Variants in TRPM4 observed in about 807,000 individuals in gnomAD.
TRPM4 encodes the protein transient receptor potential cation channel subfamily M member 4, also known as calcium-activated non-selective cation channel 1.
TRPM4 carries 124 observed loss-of-function variants against 135.6 expected under a neutral mutation model. The ratio of observed to expected loss-of-function variants is 0.91; its 90% CI spans 0.79 to 1.06. The LOEUF (loss-of-function observed/expected upper bound fraction) is 1.06, where lower values mean the gene tolerates loss of function less well. Among genes scored for constraint, TRPM4 ranks in the 50% least tolerant of loss-of-function variants. The pLI is 0.00. For missense variants in TRPM4, 1,658 were observed against 1,671.4 expected, an observed-to-expected ratio of 0.99 and a Z score of 0.14; for synonymous variants, 745 against 705.6, an observed-to-expected ratio of 1.06 and a Z score of -0.88.
At chr19:49,192,510 G>A (rs1257742693) in intron 16 of TRPM4, among the ~76,000 whole-genome samples, 1 of 152,116 alleles carries the variant, frequency 6.6e-6, no homozygotes, top group Non-Finnish European at 1.5e-5. Flanking sequence ...AAAAAAGAAC[G>A]AGATCATTTC....
chr19:49,158,265 G>A lies in TRPM4; in HGVS notation c.92+6G>A. On this transcript the variant is annotated splice_donor_region_variant and intron_variant, in intron 2 of 24. Coordinates refer to ENST00000252826, the MANE Select transcript of TRPM4 (RefSeq NM_017636.4). The stretch of plus-strand genomic sequence containing the variant: ...GTTGACTCCACAGATCCGGGGTGAG[G>A]AGTTCGCCCCTGGACTGACCCCAGA... The A allele has an allele frequency of 1.2e-6, 2 of 1,613,650 alleles. No individual in the cohort carries two copies. The highest frequency in any genetic ancestry group is 8.5e-7 in the Non-Finnish European group (1 of 1,179,804).
At chr19:49,190,928 C>T (rs1968389055) in intron 16 of TRPM4, among the ~76,000 whole-genome samples, 155 bp downstream of exon 16, 2 of 152,128 alleles carry the variant, frequency 1.3e-5, no homozygotes, top group Admixed American at 6.6e-5. Context: ...TTCATTGGCT[C>T]ATGGTTCTGC....
At position 49,210,895 on chromosome 19, in the gene TRPM4, A is replaced by C; in HGVS notation, c.3461+53A>C. ...GGCTTCTGGCCTGGGGCGGATCCTG[A>C]CTTCAGCTGAAGGCAGGGTCCTGGG... On this transcript the variant is annotated intron_variant, in intron 22 of 24. Coordinates refer to ENST00000252826, the MANE Select transcript of TRPM4 (RefSeq NM_017636.4). This position sits in a 1 kb window ranked among gnomAD's most constrained non-coding sequence, Gnocchi z 4.1. The C allele has an allele frequency of 6.4e-7, 1 of 1,569,928 alleles. No homozygotes were observed. The highest frequency in any genetic ancestry group is 8.6e-7 in the Non-Finnish European group (1 of 1,161,168).
In TRPM4 at chr19:49,171,526, G is replaced by A. The variant is rs774388263; in HGVS notation, c.859-52G>A. 4.3e-6 allele frequency: 7 copies of A among 1,612,772 alleles called. No individual in the cohort carries two copies. The highest frequency in any genetic ancestry group is 5.9e-6 in the Non-Finnish European group (7 of 1,178,878). On this transcript the variant is annotated intron_variant, in intron 7 of 24. Coordinates refer to ENST00000252826, the MANE Select transcript of TRPM4 (RefSeq NM_017636.4). The surrounding 1 kb of genome is among the most constrained non-coding windows in gnomAD (Gnocchi z 4.7). ...CTGGGGGTCTGACTCCGGGTAGGGT[G>A]AATATCCTGCCTTTTCTGACGTGAT...
rs61732831 is a variant in TRPM4 at position 49,171,760 on chromosome 19, G to C, written c.1041G>C (p.Leu347=). ...RFFPKGDLEV[L]QAQVERIMTR... ...TTCCCAAAGGGGACCTTGAGGTCCT[G>C]CAGGCCCAGGTATGACACTGGGGGC... Residue 347 remains leucine, a synonymous_variant, in exon 8 of 25, where the codon CTG becomes CTC. Transcript: ENST00000252826. The surrounding 1 kb of genome is among the most constrained non-coding windows in gnomAD (Gnocchi z 4.7). 6.2e-7 allele frequency: 1 copy of C among 1,609,646 alleles called. No individual in the cohort carries two copies. The highest frequency in any genetic ancestry group is 8.5e-7 in the Non-Finnish European group (1 of 1,179,688).
chr19:49,190,459 A>C, intron 15 of TRPM4, 139 bp downstream of exon 15: 2 of 868,640 alleles, frequency 2.3e-6, no homozygotes, highest in Non-Finnish European at 3.7e-6. Flanking sequence ...TCCCTCCACT[A>C]AGGGAGTGCT....
chr19:49,171,978 G>T lies in TRPM4; in HGVS notation c.1051-31G>T. 6.3e-7 allele frequency: 1 copy of T among 1,584,966 alleles called. No individual in the cohort carries two copies. The highest frequency in any genetic ancestry group is 8.7e-7 in the Non-Finnish European group (1 of 1,153,664). ...CCAACAGGAGTTGGGGATGGAGGCGGGCTAGGGATGCAGAACTGGCTATTC... is the reference window on the plus strand; with the variant it reads ...CCAACAGGAGTTGGGGATGGAGGCGTGCTAGGGATGCAGAACTGGCTATTC... On this transcript the variant is annotated intron_variant, in intron 8 of 24. Transcript: ENST00000252826. This position sits in a 1 kb window ranked among gnomAD's most constrained non-coding sequence, Gnocchi z 4.7.
In TRPM4 at chr19:49,210,406, G is replaced by A. The variant is rs756981657; in HGVS notation, c.3328+1G>A. 2 of 1,613,188 alleles carry A rather than the reference G, an allele frequency of 1.2e-6. No homozygotes were observed. The highest frequency in any genetic ancestry group is 1.7e-6 in the Non-Finnish European group (2 of 1,179,980). ...TCCTCCCCGGCCCTCGAGCATTTCC[G>A]TAAGAACAGAGCTTGGCTTAAAAAG... On this transcript the variant is annotated splice_donor_variant, in intron 21 of 24. Transcript: ENST00000252826. LOFTEE classifies it high-confidence loss of function. The surrounding 1 kb of genome is among the most constrained non-coding windows in gnomAD (Gnocchi z 4.1).
chr19:49,174,238 C>T (rs865810850), intron 9 of TRPM4, among the ~76,000 whole-genome samples: 4 of 152,040 alleles, frequency 2.6e-5, no homozygotes, highest in East Asian at 2.0e-4. Flanking sequence ...CTGCAACCTC[C>T]GCCTCCCGGG....
rs1568450689 is a variant in TRPM4 at position 49,158,612 on chromosome 19, AT to A, written c.92+355del. 2.1e-4 allele frequency: 59 copies of A among 278,160 alleles called. 1 individual carries two copies. The highest frequency in any genetic ancestry group is 8.7e-4 in the African/African-American group (39 of 44,926). 17.2% of individuals were successfully genotyped at this position (278,160 alleles called of 1,614,324 possible). On this transcript the variant is annotated intron_variant, in intron 2 of 24. Transcript: ENST00000252826. ...CATTCATTCATTCATTCATTCATTCATTCATTCATCCATCCATGCAAGAAAC... is the reference window on the plus strand; with the variant it reads ...CATTCATTCATTCATTCATTCATTCATCATTCATCCATCCATGCAAGAAAC...
At chr19:49,187,983 G>A (rs1391543837) in intron 12 of TRPM4, among the ~76,000 whole-genome samples, 1 of 152,186 alleles carries the variant, frequency 6.6e-6, no homozygotes, top group African/African-American at 2.4e-5. Context: ...CTCATCTTAG[G>A]TGTTACAGTA....
At chr19:49,196,159 G>C (rs943678489) in intron 16 of TRPM4, among the ~76,000 whole-genome samples, 11 of 151,796 alleles carry the variant, frequency 7.2e-5, no homozygotes, top group African/African-American at 2.4e-4. Flanking sequence ...CGCCCGATCC[G>C]GGTATATTTT....
At position 49,191,904 on chromosome 19, in the gene TRPM4, C is replaced by T. The variant is rs141611471; in HGVS notation, c.2210+1131C>T. On this transcript the variant is annotated intron_variant, in intron 16 of 24. Transcript: ENST00000252826. ...GAGGAAGCTTCCCAGGTGCCAAGCT[C>T]AAGACTTGGCTCAAGATTTGGTTCT... 3.2e-3 allele frequency among the ~76,000 whole-genome samples: 494 copies of T among 152,300 alleles called. 1 individual carries two copies. Among genetic ancestry groups the T allele is most frequent in the Middle Eastern group, 0.027 (8 of 294 alleles).
In TRPM4 at chr19:49,211,350, A is replaced by C; in HGVS notation, c.3640+81A>C. ...TGTTTTTCTCTCTCGGCACCTTTCC[A>C]GTGTCCCTGGGTCACTCTCTTGGTC... is the stretch of plus-strand genomic sequence containing the variant. On this transcript the variant is annotated intron_variant, in intron 24 of 24. Transcript: ENST00000252826. This position sits in a 1 kb window ranked among gnomAD's most constrained non-coding sequence, Gnocchi z 4.8. 6.4e-7 allele frequency: 1 copy of C among 1,573,592 alleles called. No homozygotes were observed. The highest frequency in any genetic ancestry group is 8.7e-7 in the Non-Finnish European group (1 of 1,149,688).
chr19:49,163,490 G>C (rs367631874), intron 2 of TRPM4, among the ~76,000 whole-genome samples: 1 of 151,780 alleles, frequency 6.6e-6, no homozygotes, highest in African/African-American at 2.4e-5. Flanking sequence ...CACCATGCCC[G>C]GCCTTATTTC....
intron 20 of TRPM4, among the ~76,000 whole-genome samples, chr19:49,208,332 G>A (rs1240348210): frequency 3.3e-5 from 5 of 151,154 alleles, no homozygotes; most frequent in East Asian, 2.0e-4. Context: ...AAACTCCCCC[G>A]GGGAAAGGGA....
At position 49,183,232 on chromosome 19, in the gene TRPM4, T is replaced by C. The variant is rs1243998306; in HGVS notation, c.1743+20T>C. On this transcript the variant is annotated intron_variant, in intron 12 of 24. Coordinates refer to ENST00000252826, the MANE Select transcript of TRPM4 (RefSeq NM_017636.4). ...GAGATGGTGAGTGCTGACTTGGCGC[T>C]CCTGCATCCCTGTCCTTTAGGCCAC... 3 of 1,613,942 alleles carry C rather than the reference T, an allele frequency of 1.9e-6. No homozygotes were observed. Among genetic ancestry groups the C allele is most frequent in the Middle Eastern group, 1.7e-4 (1 of 6,006 alleles).
rs1967463765 is a variant in TRPM4 at position 49,171,690 on chromosome 19, G to A, written c.971G>A (p.Gly324Glu). 1.9e-6 allele frequency: 3 copies of A among 1,614,028 alleles called. No homozygotes were observed. The highest frequency in any genetic ancestry group is 2.5e-6 in the Non-Finnish European group (3 of 1,180,018). Reference protein sequence around the residue: ...TLEDTLAPGSGGARQGEARDR... With the variant: ...TLEDTLAPGSEGARQGEARDR... ...GAAGACACTCTGGCCCCAGGGAGTG[G>A]GGGAGCCAGGCAAGGCGAAGCCCGA... is the stretch of plus-strand genomic sequence containing the variant. The change falls in exon 8 of 25, where the codon GGG (glycine) becomes GAG (glutamate). Residue 324 changes from glycine to glutamate, a missense_variant. Gly to Glu is a moderately conservative substitution (Grantham distance 98). This residue lies in a region of TRPM4 where 1,412 missense variants were observed against 1,408.7 expected (regional missense o/e 1.00). Transcript: ENST00000252826. The surrounding 1 kb of genome is among the most constrained non-coding windows in gnomAD (Gnocchi z 4.7).
intron 17 of TRPM4, among the ~76,000 whole-genome samples, chr19:49,197,251 G>A (rs1968690404): frequency 6.6e-6 from 1 of 151,164 alleles, no homozygotes; most frequent in Non-Finnish European, 1.5e-5. Flanking sequence ...TTGCCCTCCT[G>A]CCCCCGACTT....
Sources: gnomAD v4.1 joint callset for allele counts (sites outside exome capture counted in the v4.1 genomes callset) on GRCh38, gnomAD v4.1.1 for gene constraint, gnomAD v4.1.1 regional missense constraint, Gnocchi (gnomAD v3.1) non-coding constraint, MANE v1.5 for transcripts, NCBI Gene and HGNC (gene_info 2026-07-23, HGNC 2026-07-21) for gene names.